The following SGCZ variants were observed in gnomAD, a reference collection of about 807,000 sequenced individuals.
SGCZ encodes sarcoglycan zeta.
SGCZ carries 40 observed loss-of-function variants against 41.3 expected under a neutral mutation model. The ratio of observed to expected loss-of-function variants is 0.97; its 90% CI spans 0.75 to 1.26. The LOEUF is 1.26. Ranked by LOEUF, SGCZ falls within the 50% of genes most tolerant of loss-of-function variation. The pLI is 0.00. For missense variants in SGCZ, 552 were observed against 369.8 expected, an observed-to-expected ratio of 1.49 and a Z score of -4.04; for synonymous variants, 206 against 137.5, an observed-to-expected ratio of 1.50 and a Z score of -3.49.
At chr8:15,124,573 G>C (rs956130822) in intron 1 of SGCZ, among the ~76,000 whole-genome samples, 1 of 152,088 alleles carries the variant, frequency 6.6e-6, no homozygotes, top group Non-Finnish European at 1.5e-5. Flanking sequence ...CAAAATACTG[G>C]AATAGTCTAT....
At chr8:14,773,517 G>A (rs1800311138) in intron 1 of SGCZ, among the ~76,000 whole-genome samples, 1 of 152,162 alleles carries the variant, frequency 6.6e-6, no homozygotes, top group African/African-American at 2.4e-5. Flanking sequence ...TCTTCTGGCT[G>A]CCTACTTTCT....
At chr8:15,116,684 AC>A (rs1234802475) in intron 1 of SGCZ, among the ~76,000 whole-genome samples, 1 of 152,206 alleles carries the variant, frequency 6.6e-6, no homozygotes, top group Non-Finnish European at 1.5e-5. Context: ...ATGGAAAAGT[AC>A]TAAGCTTTAC....
At chr8:14,450,972 C>A (rs943819128) in intron 2 of SGCZ, among the ~76,000 whole-genome samples, 3 of 152,096 alleles carry the variant, frequency 2.0e-5, no homozygotes, top group Non-Finnish European at 2.9e-5. Context: ...AGCACATGGC[C>A]CATTATGATT....
intron 1 of SGCZ, among the ~76,000 whole-genome samples, chr8:15,055,354 T>G (rs923951066): frequency 6.6e-6 from 1 of 152,240 alleles, no homozygotes; most frequent in Admixed American, 6.5e-5. Context: ...TTATTTTTAT[T>G]CTTTTTGTTA....
chr8:14,561,782 T>C (rs1804214347), intron 1 of SGCZ, among the ~76,000 whole-genome samples: 1 of 152,162 alleles, frequency 6.6e-6, no homozygotes, highest in Non-Finnish European at 1.5e-5. Context: ...GAAATTTCTC[T>C]ACAAAGGAAT....
chr8:14,843,175 G>A (rs1415769562), intron 1 of SGCZ, among the ~76,000 whole-genome samples: 1 of 152,088 alleles, frequency 6.6e-6, no homozygotes, highest in Non-Finnish European at 1.5e-5. Flanking sequence ...TTGCACCACT[G>A]CACTCCAGCC....
chr8:14,218,063 G>A (rs1054538069), intron 4 of SGCZ, among the ~76,000 whole-genome samples: 2 of 152,044 alleles, frequency 1.3e-5, no homozygotes, highest in Non-Finnish European at 2.9e-5. Flanking sequence ...CCCAAGCCTA[G>A]GAACAAGAAA....
intron 1 of SGCZ, among the ~76,000 whole-genome samples, chr8:14,950,885 A>C (rs2130835462): frequency 6.6e-6 from 1 of 152,212 alleles, no homozygotes; most frequent in East Asian, 1.9e-4. Context: ...AGAAATAATT[A>C]GAAGTCTTAA....
intron 3 of SGCZ, among the ~76,000 whole-genome samples, chr8:14,306,001 C>T (rs1801338262): frequency 6.6e-6 from 1 of 152,128 alleles, no homozygotes; most frequent in South Asian, 2.1e-4. Flanking sequence ...TTAGGGTATT[C>T]TAGGTTATTC....
chr8:14,738,056 G>A (rs1422263773), intron 1 of SGCZ, among the ~76,000 whole-genome samples: 2 of 151,984 alleles, frequency 1.3e-5, no homozygotes, highest in African/African-American at 4.8e-5. Context: ...ATAAATCCTG[G>A]CGTTCGCACT....
intron 1 of SGCZ, among the ~76,000 whole-genome samples, chr8:14,688,707 A>G (rs1171108920): frequency 1.3e-5 from 2 of 152,146 alleles, no homozygotes; most frequent in African/African-American, 2.4e-5. Flanking sequence ...TGAACTTTAA[A>G]GTAGTTTTTT....
At chr8:15,109,914 G>C (rs1290379081) in intron 1 of SGCZ, among the ~76,000 whole-genome samples, 3 of 151,986 alleles carry the variant, frequency 2.0e-5, no homozygotes, top group African/African-American at 7.3e-5. Context: ...TAAAATAATA[G>C]GAATATACAT....
intron 1 of SGCZ, among the ~76,000 whole-genome samples, chr8:14,576,863 C>T (rs1192440834): frequency 6.6e-6 from 1 of 152,148 alleles, no homozygotes; most frequent in African/African-American, 2.4e-5. Context: ...AATTGCAGTC[C>T]TCTCCTTGTA....
At chr8:15,133,400 T>A (rs1807986378) in intron 1 of SGCZ, among the ~76,000 whole-genome samples, 1 of 152,150 alleles carries the variant, frequency 6.6e-6, no homozygotes, top group African/African-American at 2.4e-5. Context: ...ATCCTCCCTA[T>A]CTCTACAGGT....
intron 1 of SGCZ, among the ~76,000 whole-genome samples, chr8:14,623,759 G>A (rs368013998): frequency 2.6e-5 from 4 of 152,174 alleles, no homozygotes; most frequent in East Asian, 1.9e-4. Context: ...AGATGTCACC[G>A]GGGTGCTGGG....
chr8:14,345,819 C>T (rs1802874404), intron 2 of SGCZ, among the ~76,000 whole-genome samples: 1 of 152,086 alleles, frequency 6.6e-6, no homozygotes, highest in South Asian at 2.1e-4. Context: ...AACTCCATCC[C>T]TTCCTACTGT....
At chr8:14,729,981 A>G (rs1318764511) in intron 1 of SGCZ, among the ~76,000 whole-genome samples, 2 of 152,172 alleles carry the variant, frequency 1.3e-5, no homozygotes, top group African/African-American at 2.4e-5. Context: ...CCTACTGGGT[A>G]GGCTACGGCA....
At chr8:14,160,979 T>G (rs996472527) in intron 5 of SGCZ, among the ~76,000 whole-genome samples, 1 of 152,242 alleles carries the variant, frequency 6.6e-6, no homozygotes, top group Non-Finnish European at 1.5e-5. Context: ...TTTTAATTCC[T>G]ATAAATATTG....
At chr8:14,720,980 C>G (rs1450475242) in intron 1 of SGCZ, among the ~76,000 whole-genome samples, 1 of 151,868 alleles carries the variant, frequency 6.6e-6, no homozygotes, top group African/African-American at 2.4e-5. Context: ...CCAATAAGTT[C>G]TTAACTTACT....
Sources: allele counts gnomAD v4.1 joint callset (sites outside exome capture counted in the v4.1 genomes callset), GRCh38; gene constraint gnomAD v4.1.1; transcripts MANE v1.5; gene names NCBI Gene and HGNC (gene_info 2026-07-23, HGNC 2026-07-21).